The following DUSP22 variants were observed in gnomAD, a reference collection of about 807,000 sequenced individuals.
DUSP22 encodes dual specificity protein phosphatase 22.
A neutral mutation model predicts 24.5 loss-of-function variants in DUSP22; 24 were observed. The observed-to-expected ratio is 0.98, with a 90% CI of 0.71 to 1.38. The LOEUF is 1.38. Ranked by LOEUF, DUSP22 falls within the 40% of genes most tolerant of loss-of-function variation. The pLI, the probability that DUSP22 is intolerant of heterozygous loss-of-function variation, is 0.00. For missense variants in DUSP22, 330 were observed against 269.2 expected, an observed-to-expected ratio of 1.23 and a Z score of -1.58; for synonymous variants, 160 against 106.4, an observed-to-expected ratio of 1.50 and a Z score of -3.10.
intron 3 of DUSP22, among the ~76,000 whole-genome samples, chr6:312,657 T>C (rs1758162064): frequency 1.3e-5 from 2 of 152,304 alleles, no homozygotes; most frequent in Non-Finnish European, 1.5e-5. Flanking sequence ...TTTTCTATTT[T>C]AGGGTGGGGT....
At chr6:316,815 C>T (rs1758358131) in intron 3 of DUSP22, among the ~76,000 whole-genome samples, 1 of 152,292 alleles carries the variant, frequency 6.6e-6, no homozygotes, top group African/African-American at 2.4e-5. Context: ...AGAACCTTAC[C>T]TTTTTAAAAA....
intron 1 of DUSP22, among the ~76,000 whole-genome samples, chr6:301,160 C>T (rs2127390923): frequency 6.6e-6 from 1 of 152,412 alleles, no homozygotes; most frequent in African/African-American, 2.4e-5. Flanking sequence ...CTCCCTGGGG[C>T]CAGGGTATCC....
chr6:329,497 G>T (rs112273779), intron 3 of DUSP22, among the ~76,000 whole-genome samples: 1 of 152,294 alleles, frequency 6.6e-6, no homozygotes, highest in Non-Finnish European at 1.5e-5. Context: ...CTATATCCCA[G>T]ACTGGAGTGC....
Position 345,894 on chromosome 6 carries a change from T to A in DUSP22, c.229T>A (p.Cys77Ser), listed in dbSNP as rs773051965. ...FKESIKFIHECRLRGESCLVH... is the reference protein window; with the variant it reads ...FKESIKFIHESRLRGESCLVH... ...AGAAAGTATTAAATTCATTCACGAG[T>A]GCCGGCTCCGCGGTGAGAGCTGCCT... The change falls in exon 5 of 7, where the codon TGC (cysteine) becomes AGC (serine). Residue 77 changes from cysteine (C) to serine (S), a missense_variant. Transcript: ENST00000419235. 4.1e-5 allele frequency: 66 copies of A among 1,614,128 alleles called. No homozygotes were observed. Among genetic ancestry groups the A allele is most frequent in the Non-Finnish European group, 5.9e-6 (7 of 1,180,036 alleles).
intron 3 of DUSP22, among the ~76,000 whole-genome samples, chr6:331,044 C>T (rs141632961): frequency 2.6e-3 from 398 of 152,290 alleles, no homozygotes; most frequent in Middle Eastern, 0.014. Context: ...ATGCCATCAT[C>T]GCTGCTCTTT....
chr6:329,537 C>G (rs1390628444), intron 3 of DUSP22, among the ~76,000 whole-genome samples: 1 of 152,296 alleles, frequency 6.6e-6, no homozygotes, highest in African/African-American at 2.4e-5. Context: ...ACTGCAACCT[C>G]CACCTCCTGG....
At chr6:347,005 A>T (rs1759915391) in intron 5 of DUSP22, among the ~76,000 whole-genome samples, 2 of 152,426 alleles carry the variant, frequency 1.3e-5, no homozygotes, top group South Asian at 4.1e-4. Context: ...ATGATTTTTC[A>T]TCTCACTTTT....
rs1426918313 is a variant in DUSP22 at position 349,080 on chromosome 6, T to C, written c.*129T>C. ...CAGGGCGAGGTGGGGCGAGGGCTCC[T>C]TCCCCCAAGCAACACCGCCCAGCCC... On this transcript the variant is annotated 3_prime_UTR_variant, in exon 7 of 7. Transcript: ENST00000419235. 1.4e-6 allele frequency: 2 copies of C among 1,470,584 alleles called. No individual in the cohort carries two copies. The highest frequency in any genetic ancestry group is 1.8e-6 in the Non-Finnish European group (2 of 1,112,360). 91.1% of individuals were successfully genotyped at this position (1,470,584 alleles called of 1,614,324 possible). A position where few individuals can be genotyped will look rare whatever the true frequency, so the allele number is the denominator to read the frequency against.
Position 351,308 on chromosome 6 carries a change from C to T in DUSP22, c.*2357C>T, listed in dbSNP as rs1382621232. ...TTGTGTTCTCCGTGGTGGAATTGAC[C>T]GAAAGCTCTATGTTTTCGTTAATAA... is the stretch of plus-strand genomic sequence containing the variant. On this transcript the variant is annotated 3_prime_UTR_variant, in exon 7 of 7. Coordinates refer to ENST00000419235, the MANE Select transcript of DUSP22 (RefSeq NM_001286555.3). The T allele has an allele frequency of 2.2e-5, 4 of 180,868 alleles. No homozygotes were observed. The highest frequency in any genetic ancestry group is 1.5e-4 in the East Asian group (1 of 6,548). 11.2% of individuals were successfully genotyped at this position (180,868 alleles called of 1,614,324 possible).
In DUSP22 at chr6:323,224, T is replaced by G. The variant is rs1758691742; in HGVS notation, c.138+11262T>G. On this transcript the variant is annotated intron_variant, in intron 3 of 6. Coordinates refer to ENST00000419235, the MANE Select transcript of DUSP22 (RefSeq NM_001286555.3). ...GTGTGGCCAGACTCCCTGGGATGTT[T>G]TAAAGGCGTGTGTGCATGTGTGTGT... 2.0e-5 allele frequency among the ~76,000 whole-genome samples: 3 copies of G among 150,388 alleles called. No individual in the cohort carries two copies. The Admixed American group carries it at 2.0e-4, about 10-fold the overall frequency.
chr6:297,537 C>T (rs909719433), intron 1 of DUSP22, among the ~76,000 whole-genome samples: 1 of 152,310 alleles, frequency 6.6e-6, no homozygotes, highest in Non-Finnish European at 1.5e-5. Context: ...TGTGAGACTG[C>T]CATGTGGATT....
chr6:331,520 C>T (rs552582464), intron 3 of DUSP22, among the ~76,000 whole-genome samples: 203 of 152,370 alleles, frequency 1.3e-3, no homozygotes, highest in Non-Finnish European at 2.2e-3. Context: ...ACTTCAAAAC[C>T]GGAGAGTGGT....
intron 2 of DUSP22, 21 bp downstream of exon 2, chr6:304,682 T>C (rs1416401761): frequency 6.2e-7 from 1 of 1,613,902 alleles, no homozygotes; most frequent in South Asian, 1.1e-5. Flanking sequence ...GCTTTTTTAT[T>C]GTTGTGATAA....
chr6:344,965 G>A (rs1232193308), intron 4 of DUSP22, among the ~76,000 whole-genome samples: 1 of 152,302 alleles, frequency 6.6e-6, no homozygotes, highest in Non-Finnish European at 1.5e-5. Flanking sequence ...GGGCATTGAG[G>A]GGCTCCGATT....
At chr6:330,728 A>G (rs1333052955) in intron 3 of DUSP22, among the ~76,000 whole-genome samples, 1 of 152,302 alleles carries the variant, frequency 6.6e-6, no homozygotes, top group Non-Finnish European at 1.5e-5. Flanking sequence ...CCGCTGGAAA[A>G]CCTTCTGAAC....
chr6:301,963 A>G (rs921360174), intron 1 of DUSP22, among the ~76,000 whole-genome samples: 5 of 152,308 alleles, frequency 3.3e-5, no homozygotes, highest in Non-Finnish European at 7.3e-5. Flanking sequence ...AGTAGAGAAG[A>G]TAGTAGATGT....
At chr6:341,831 T>A (rs1759622393) in intron 4 of DUSP22, among the ~76,000 whole-genome samples, 1 of 152,308 alleles carries the variant, frequency 6.6e-6, no homozygotes, top group East Asian at 1.9e-4. Context: ...CTCCATAACC[T>A]CCTCAGCTCC....
At chr6:298,382 G>A (rs932628256) in intron 1 of DUSP22, among the ~76,000 whole-genome samples, 6 of 152,422 alleles carry the variant, frequency 3.9e-5, no homozygotes, top group Non-Finnish European at 5.9e-5. Context: ...TTAAGATTCC[G>A]CTGCCACCCC....
At chr6:331,328 T>C (rs1250564048) in intron 3 of DUSP22, among the ~76,000 whole-genome samples, 1 of 152,306 alleles carries the variant, frequency 6.6e-6, no homozygotes, top group Admixed American at 6.5e-5. Context: ...TTAGAGGTAG[T>C]ATGAGGGAGT....
Sources: allele counts gnomAD v4.1 joint callset (sites outside exome capture counted in the v4.1 genomes callset), GRCh38; gene constraint gnomAD v4.1.1; transcripts MANE v1.5; gene names NCBI Gene and HGNC (gene_info 2026-07-23, HGNC 2026-07-21).